The following DNAL1 variants were observed in gnomAD, a reference collection of about 807,000 sequenced individuals.
DNAL1 encodes dynein axonemal light chain 1, also known as chromosome 14 open reading frame 168.
A neutral mutation model predicts 29.4 loss-of-function variants in DNAL1; 17 were observed. The ratio of observed to expected loss-of-function variants is 0.58; its 90% CI spans 0.40 to 0.87. DNAL1 has a LOEUF of 0.87. Among genes scored for constraint, DNAL1 ranks in the 40% least tolerant of loss-of-function variants. DNAL1 has a pLI of 0.00. For synonymous variants in DNAL1, 78 were observed against 76.3 expected (o/e 1.02, Z -0.12); for missense variants, 188 against 214.1 (o/e 0.88, Z 0.76).
chr14:73,659,018 A>G (rs1891278176), intron 3 of DNAL1, 62 bp downstream of exon 3: 1 of 1,151,354 alleles, frequency 8.7e-7, no homozygotes. Flanking sequence ...TCTTAAACAC[A>G]CAAAGTAGGA....
intron 4 of DNAL1, among the ~76,000 whole-genome samples, chr14:73,669,521 C>T (rs1414607380): frequency 1.3e-5 from 2 of 152,030 alleles, no homozygotes; most frequent in East Asian, 1.9e-4. Flanking sequence ...GTGATCCACC[C>T]GCCTCGGCCT....
chr14:73,656,316 A>G (rs2140028680), intron 2 of DNAL1, among the ~76,000 whole-genome samples: 1 of 151,822 alleles, frequency 6.6e-6, no homozygotes, highest in South Asian at 2.1e-4. Flanking sequence ...TTAGTACCAG[A>G]TTTCATTTTC....
chr14:73,692,163 G>A (rs1892191499), intron 7 of DNAL1, among the ~76,000 whole-genome samples: 1 of 151,840 alleles, frequency 6.6e-6, no homozygotes, highest in African/African-American at 2.4e-5. Context: ...AGGGTTGTAC[G>A]TAGAAAGCGA....
intron 5 of DNAL1, among the ~76,000 whole-genome samples, chr14:73,674,893 C>G (rs1891696234): frequency 6.6e-6 from 1 of 151,484 alleles, no homozygotes; most frequent in Admixed American, 6.6e-5. Context: ...ACTGTGTCGC[C>G]CAGGCTGGAG....
chr14:73,686,172 T>C (rs1892015640), intron 5 of DNAL1, among the ~76,000 whole-genome samples: 1 of 152,138 alleles, frequency 6.6e-6, no homozygotes, highest in African/African-American at 2.4e-5. Context: ...ATTGCGCCAG[T>C]CTCCTCATTT....
chr14:73,682,916 G>A (rs1280164181), intron 5 of DNAL1, among the ~76,000 whole-genome samples: 1 of 122,884 alleles, frequency 8.1e-6, no homozygotes, highest in African/African-American at 3.2e-5. Flanking sequence ...CGCTCTTGTT[G>A]CCCAGGCCAG....
intron 5 of DNAL1, among the ~76,000 whole-genome samples, chr14:73,683,662 C>A (rs78698386): frequency 0.11 from 16,061 of 150,444 alleles, 1,010 homozygotes; most frequent in Middle Eastern, 0.18. Flanking sequence ...GTTCTGCTCT[C>A]TACTTCCATG....
rs1892427879 is a variant in DNAL1, at chr14:73,701,161, C to A, written c.*5219C>A. ...ATTCTAGTTAATTTCCCATATTGGG[C>A]AGTTTAGAGGAGACCCAGCCAACCA... On this transcript the variant is annotated 3_prime_UTR_variant, in exon 8 of 8. Coordinates refer to ENST00000553645, the MANE Select transcript of DNAL1 (RefSeq NM_031427.4). 6.6e-6 allele frequency: 1 copy of A among 152,264 alleles called. No individual in the cohort carries two copies. Among genetic ancestry groups the A allele is most frequent in the East Asian group, 1.9e-4 (1 of 5,186 alleles). The allele number at this position is 152,264 out of a possible 1,614,324, so 9.4% of individuals were successfully genotyped here.
At chr14:73,648,393 C>T (rs1891027331) in intron 1 of DNAL1, among the ~76,000 whole-genome samples, 2 of 30,346 alleles carry the variant, frequency 6.6e-5, no homozygotes, top group Non-Finnish European at 1.2e-4. Flanking sequence ...TGTGTTATAA[C>T]ACCTCATTTC....
chr14:73,649,924 A>G (rs977659116), intron 1 of DNAL1, among the ~76,000 whole-genome samples: 1 of 152,172 alleles, frequency 6.6e-6, no homozygotes, highest in African/African-American at 2.4e-5. Context: ...TCTCTAGGTT[A>G]CTTATACTAT....
At chr14:73,680,920 C>T (rs992942511) in intron 5 of DNAL1, among the ~76,000 whole-genome samples, 27 of 152,168 alleles carry the variant, frequency 1.8e-4, no homozygotes, top group African/African-American at 6.3e-4. Context: ...TATATCTAAA[C>T]ATAGAAAAAG....
intron 6 of DNAL1, among the ~76,000 whole-genome samples, chr14:73,689,127 G>A (rs1892100110): frequency 2.0e-5 from 3 of 147,966 alleles, no homozygotes; most frequent in Non-Finnish European, 4.4e-5. Context: ...TCCGTCTCCC[G>A]GGTTCAAGCA....
intron 3 of DNAL1, among the ~76,000 whole-genome samples, chr14:73,659,322 C>T (rs1566881470): frequency 6.6e-6 from 1 of 151,866 alleles, no homozygotes; most frequent in Non-Finnish European, 1.5e-5. Flanking sequence ...GCCACCACGC[C>T]CAGCAATTTT....
chr14:73,691,179 ATAATC>A (rs1364638623), intron 7 of DNAL1, among the ~76,000 whole-genome samples: 1 of 152,262 alleles, frequency 6.6e-6, no homozygotes, highest in Non-Finnish European at 1.5e-5. Flanking sequence ...ATTAAATAAA[ATAATC>A]TATGTGAAAC....
At position 73,653,787 on chromosome 14, in the gene DNAL1, A is replaced by T. The variant is rs554952917; in HGVS notation, c.4-1060A>T. Among the ~76,000 whole-genome samples the T allele has an allele frequency of 3.3e-5, 5 of 152,204 alleles. No homozygotes were observed. In the East Asian group the frequency reaches 7.7e-4, roughly 23 times the overall value. ...TTGTTATTCTTTGGGGTTCTTTTTT[A>T]AAAAAAGAGCACCAGCAGTAATTCA... On this transcript the variant is annotated intron_variant, in intron 1 of 7. Coordinates refer to ENST00000553645, the MANE Select transcript of DNAL1 (RefSeq NM_031427.4).
At chr14:73,669,403 A>G (rs552279726) in intron 4 of DNAL1, among the ~76,000 whole-genome samples, 1 of 151,992 alleles carries the variant, frequency 6.6e-6, no homozygotes, top group Non-Finnish European at 1.5e-5. Flanking sequence ...CAGCCTCCCA[A>G]GTAGCTGGGA....
chr14:73,683,759 G>A (rs1403915170), intron 5 of DNAL1, among the ~76,000 whole-genome samples: 1 of 151,870 alleles, frequency 6.6e-6, no homozygotes, highest in East Asian at 1.9e-4. Context: ...CCAGGCTGGA[G>A]TGCCATGGTG....
chr14:73,684,918 A>G (rs558180818), intron 5 of DNAL1, among the ~76,000 whole-genome samples: 3 of 142,432 alleles, frequency 2.1e-5, no homozygotes, highest in Admixed American at 7.0e-5. Context: ...AACTAAAAAA[A>G]TAGATTTTAT....
At chr14:73,687,855 A>G (rs889928043) in intron 6 of DNAL1, among the ~76,000 whole-genome samples, 10 of 152,242 alleles carry the variant, frequency 6.6e-5, no homozygotes, top group African/African-American at 2.2e-4. Context: ...CCAGGGCAGC[A>G]GAGCAAGACT....
Sources: gnomAD v4.1 joint callset for allele counts (sites outside exome capture counted in the v4.1 genomes callset) on GRCh38, gnomAD v4.1.1 for gene constraint, MANE v1.5 for transcripts, NCBI Gene and HGNC (gene_info 2026-07-23, HGNC 2026-07-21) for gene names.